The following MEIS2 variants were observed in gnomAD, a reference collection of about 807,000 sequenced individuals.
MEIS2 encodes homeobox protein Meis2.
MEIS2 carries 9 observed loss-of-function variants against 58.6 expected under a neutral mutation model. The ratio of observed to expected loss-of-function variants is 0.15; its 90% confidence interval spans 0.09 to 0.27. The LOEUF (loss-of-function observed/expected upper bound fraction) is 0.27, where lower values mean the gene tolerates loss of function less well. MEIS2 is among the 10% of genes least tolerant of loss of function. The probability of loss-of-function intolerance (pLI) is 1.00; values close to 1 mark genes in which losing one functional copy is unlikely to be tolerated. For missense variants in MEIS2, 427 were observed against 635.0 expected, an observed-to-expected ratio of 0.67 and a Z score of 3.52; for synonymous variants, 221 against 228.4, an observed-to-expected ratio of 0.97 and a Z score of 0.29.
intron 8 of MEIS2, among the ~76,000 whole-genome samples, chr15:37,028,762 A>G (rs2061798126): frequency 1.3e-5 from 2 of 152,130 alleles, no homozygotes; most frequent in Non-Finnish European, 2.9e-5. Context: ...AAACTAACCA[A>G]TACTGTTGCA....
intron 7 of MEIS2, among the ~76,000 whole-genome samples, chr15:37,042,463 C>T (rs1362739088): frequency 4.6e-5 from 7 of 152,152 alleles, no homozygotes; most frequent in Non-Finnish European, 1.0e-4. Flanking sequence ...AAATCCTTGC[C>T]CAAGATGCCA....
At chr15:36,974,506 A>C (rs556351289) in intron 8 of MEIS2, among the ~76,000 whole-genome samples, 1 of 152,360 alleles carries the variant, frequency 6.6e-6, no homozygotes, top group African/African-American at 2.4e-5. Flanking sequence ...TAACATTTAC[A>C]TATGAAAAAC....
In MEIS2 at chr15:36,975,580, G is replaced by A. The variant is rs527338728; in HGVS notation, c.901-25180C>T. 4.0e-5 allele frequency among the ~76,000 whole-genome samples: 6 copies of A among 151,264 alleles called. No individual in the cohort carries two copies. In the South Asian group the frequency reaches 8.4e-4, roughly 21 times the overall value. ...TCCCTTCTTGACAACAGTCTGAGAA[G>A]GTAAGTGATGTGCTTAGGTCACAAA... On this transcript the variant is annotated intron_variant, in intron 8 of 11. Transcript: ENST00000561208.
chr15:36,991,249 T>C (rs28637305), intron 8 of MEIS2, among the ~76,000 whole-genome samples: 5,360 of 71,792 alleles, frequency 0.075, 306 homozygotes, highest in African/African-American at 0.2. Context: ...AATGAGATTT[T>C]TCTCTCTTTT....
chr15:36,970,358 C>T (rs572674470), intron 8 of MEIS2, among the ~76,000 whole-genome samples: 188 of 151,010 alleles, frequency 1.2e-3, no homozygotes, highest in African/African-American at 4.4e-3. Flanking sequence ...GAGCCGAGAT[C>T]GCGCCACTGC....
chr15:36,922,971 GC>G lies in MEIS2; in HGVS notation c.978-26286del, dbSNP rs1294764705. On this transcript the variant is annotated intron_variant, in intron 9 of 11. Coordinates refer to ENST00000561208, the MANE Select transcript of MEIS2 (RefSeq NM_170675.5). Reference sequence around the variant, plus strand: ...TTAGTTATCTAGAAGAAAGTCTCCTGCCATGTAAGTCTTTAATATAATCTGA... The same window carrying G: ...TTAGTTATCTAGAAGAAAGTCTCCTGCATGTAAGTCTTTAATATAATCTGA... Among the ~76,000 whole-genome samples, 3 of 152,036 alleles carry G rather than the reference GC, an allele frequency of 2.0e-5. No homozygotes were observed. In the East Asian group the frequency reaches 5.8e-4, roughly 29 times the overall value.
chr15:37,098,727 C>A (rs1894710310), intron 1 of MEIS2, among the ~76,000 whole-genome samples: 1 of 152,082 alleles, frequency 6.6e-6, no homozygotes, highest in Non-Finnish European at 1.5e-5. Flanking sequence ...CACCCCTAAC[C>A]CCCCTTCGCC....
intron 9 of MEIS2, chr15:36,897,335 C>T (rs2056231407): frequency 6.6e-6 from 1 of 152,312 alleles, no homozygotes; most frequent in African/African-American, 2.4e-5. Flanking sequence ...ACCATAAACC[C>T]AGCCACCTTT....
chr15:36,971,536 T>TAAAAAAAAAAAA lies in MEIS2; in HGVS notation c.901-21137_901-21136insTTTTTTTTTTTT, dbSNP rs1567126001. Among the ~76,000 whole-genome samples the TAAAAAAAAAAAA allele has an allele frequency of 9.8e-3, 639 of 65,396 alleles. 37 individuals carry two copies. Among genetic ancestry groups the TAAAAAAAAAAAA allele is most frequent in the African/African-American group, 0.013 (145 of 11,076 alleles). 42.9% of individuals were successfully genotyped at this position (65,396 alleles called of 152,430 possible). On this transcript the variant is annotated intron_variant, in intron 8 of 11. Transcript: ENST00000561208. Reference sequence around the variant, plus strand: ...TGTATTACTTGTATGCCTTGTTACATTAAAAAAAAAAAAAAAAAAAAAAAA... The same window carrying TAAAAAAAAAAAA: ...TGTATTACTTGTATGCCTTGTTACATAAAAAAAAAAAATAAAAAAAAAAAAAAAAAAAAAAAA...
chr15:36,927,733 G>A (rs2057803906), intron 9 of MEIS2, among the ~76,000 whole-genome samples: 1 of 151,154 alleles, frequency 6.6e-6, no homozygotes, highest in Non-Finnish European at 1.5e-5. Context: ...CTCTCTCTGG[G>A]ATGTAATGTT....
intron 9 of MEIS2, among the ~76,000 whole-genome samples, chr15:36,929,876 G>A (rs893648798): frequency 3.2e-4 from 49 of 152,160 alleles, no homozygotes; most frequent in African/African-American, 1.0e-3. Flanking sequence ...AGAAAATATC[G>A]GTTGTCAAGA....
intron 8 of MEIS2, among the ~76,000 whole-genome samples, chr15:36,970,687 AG>A (rs1260358380): frequency 6.6e-6 from 1 of 152,176 alleles, no homozygotes; most frequent in Non-Finnish European, 1.5e-5. Flanking sequence ...AAATTCATAA[AG>A]GGATGTCCGC....
chr15:37,077,432 A>C (rs1042768836), intron 7 of MEIS2, among the ~76,000 whole-genome samples: 1 of 152,096 alleles, frequency 6.6e-6, no homozygotes, highest in African/African-American at 2.4e-5. Context: ...GATTTTCTCC[A>C]GTTTCAAGAA....
rs77467289 is a variant in MEIS2 at position 37,070,493 on chromosome 15, C to A, written c.754+13278G>T. On this transcript the variant is annotated intron_variant, in intron 7 of 11. Transcript: ENST00000561208. ...GTCTGGAAAGCTCTGTCTCTCCACA[C>A]TTTGCAGACTTGAAATGCATATTAG... Among the ~76,000 whole-genome samples, 63 of 152,312 alleles carry A rather than the reference C, an allele frequency of 4.1e-4. No homozygotes were observed. The East Asian group carries it at 0.01, about 24-fold the overall frequency.
At chr15:36,945,223 T>C (rs2058520185) in intron 9 of MEIS2, among the ~76,000 whole-genome samples, 1 of 151,986 alleles carries the variant, frequency 6.6e-6, no homozygotes, top group Non-Finnish European at 1.5e-5. Flanking sequence ...TAGAACACTA[T>C]TATTGCCCTT....
rs981321321 is a variant in MEIS2, at chr15:37,097,972, G to T, written c.240C>A (p.Ile80=). Residue 80 remains isoleucine, a synonymous_variant, in exon 2 of 12, where the codon ATC becomes ATA. Transcript: ENST00000561208. The stretch of plus-strand genomic sequence containing the variant: ...GGTCCGGGGGGTCAGTTTACCCATA[G>T]ATCGCGTCCTTGTCCCGCTTCAAGG... ...NDALKRDKDA[I]YGHPLFPLLA... is the part of the protein sequence containing the mutation. 3.1e-5 allele frequency: 49 copies of T among 1,596,566 alleles called. No individual in the cohort carries two copies. Among genetic ancestry groups the T allele is most frequent in the Non-Finnish European group, 4.2e-5 (49 of 1,169,334 alleles).
intron 8 of MEIS2, among the ~76,000 whole-genome samples, chr15:37,011,273 C>G (rs1833717567): frequency 6.6e-6 from 1 of 152,168 alleles, no homozygotes; most frequent in Non-Finnish European, 1.5e-5. Context: ...TTATTCATTT[C>G]CCAATTTGTC....
intron 8 of MEIS2, among the ~76,000 whole-genome samples, chr15:37,033,635 T>G (rs900114254): frequency 6.6e-6 from 1 of 152,212 alleles, no homozygotes; most frequent in East Asian, 1.9e-4. Flanking sequence ...GCATCTACTT[T>G]CAGTGAGCTA....
Position 36,892,499 on chromosome 15 carries a change from T to C in MEIS2, c.1148-40A>G, listed in dbSNP as rs755914336. On this transcript the variant is annotated intron_variant, in intron 11 of 11. Coordinates refer to ENST00000561208, the MANE Select transcript of MEIS2 (RefSeq NM_170675.5). ...GGAAAAAGAAAGCGGGTCAAATTCCTAAACATTTTTATACTTTACCCATCA... is the reference window on the plus strand; with the variant it reads ...GGAAAAAGAAAGCGGGTCAAATTCCCAAACATTTTTATACTTTACCCATCA... 12 of 1,318,618 alleles carry C rather than the reference T, an allele frequency of 9.1e-6. 1 individual carries two copies. The highest frequency in any genetic ancestry group is 2.5e-5 in the South Asian group (2 of 81,318). 81.7% of individuals were successfully genotyped at this position (1,318,618 alleles called of 1,614,324 possible).
Sources: gnomAD v4.1 joint callset for allele counts (sites outside exome capture counted in the v4.1 genomes callset) on GRCh38, gnomAD v4.1.1 for gene constraint, MANE v1.5 for transcripts, NCBI Gene and HGNC (gene_info 2026-07-23, HGNC 2026-07-21) for gene names.